Variants in DCAF1 observed in about 807,000 individuals in gnomAD.
The protein encoded by DCAF1 is DDB1- and CUL4-associated factor 1.
A neutral mutation model predicts 128.0 loss-of-function variants in DCAF1; 15 were observed. The observed-to-expected ratio is 0.12, with a 90% CI of 0.08 to 0.18. DCAF1 has a LOEUF of 0.18. DCAF1 is among the 10% of genes least tolerant of loss of function. The probability of loss-of-function intolerance (pLI) is 1.00; values close to 1 mark genes in which losing one functional copy is unlikely to be tolerated. For missense variants in DCAF1, 988 were observed against 1,649.5 expected (o/e 0.60, Z 6.95); for synonymous variants, 610 against 603.0 (o/e 1.01, Z -0.17).
chr3:51,440,856 A>G (rs1701294184), intron 9 of DCAF1, 114 bp downstream of exon 9: 1 of 807,726 alleles, frequency 1.2e-6, no homozygotes, highest in Non-Finnish European at 1.9e-6. Context: ...CAGTGAGCCA[A>G]GATCGCACCA....
intron 2 of DCAF1, among the ~76,000 whole-genome samples, chr3:51,491,334 G>C (rs575756472): frequency 6.8e-6 from 1 of 147,974 alleles, no homozygotes; most frequent in African/African-American, 2.5e-5. Flanking sequence ...GCAACAGAGC[G>C]AGACTATGTC....
chr3:51,488,195 A>G (rs1707200073), intron 2 of DCAF1, among the ~76,000 whole-genome samples: 3 of 152,042 alleles, frequency 2.0e-5, no homozygotes, highest in South Asian at 4.1e-4. Context: ...ATTAACACCA[A>G]TCCTTCTCAA....
chr3:51,403,114 G>T (rs112287139), intron 24 of DCAF1, 29 bp downstream of exon 24: 3 of 1,581,018 alleles, frequency 1.9e-6, no homozygotes. Flanking sequence ...GGGTGCCAAG[G>T]CTCAGCCTGA....
At chr3:51,467,204 C>G (rs1394686394) in intron 4 of DCAF1, among the ~76,000 whole-genome samples, 1 of 151,634 alleles carries the variant, frequency 6.6e-6, no homozygotes, top group Non-Finnish European at 1.5e-5. Flanking sequence ...CAGTGGCGGG[C>G]GCCTGTAATC....
At chr3:51,404,555 G>C (rs571156354) in intron 23 of DCAF1, among the ~76,000 whole-genome samples, 1 of 152,260 alleles carries the variant, frequency 6.6e-6, no homozygotes, top group South Asian at 2.1e-4. Flanking sequence ...CATTCAGCAG[G>C]GTAGCTCCGC....
intron 6 of DCAF1, among the ~76,000 whole-genome samples, chr3:51,446,993 T>TAATAATAATAATAATAATAATAAA (rs1457860366): frequency 5.5e-4 from 81 of 147,538 alleles, no homozygotes; most frequent in Non-Finnish European, 7.6e-4. Context: ...ATAATAATAA[T>TAATAATAATAATAATAATAATAAA]AATAATAAAA....
At chr3:51,495,519 T>C (rs1233246405) in intron 2 of DCAF1, among the ~76,000 whole-genome samples, 7 of 151,522 alleles carry the variant, frequency 4.6e-5, no homozygotes, top group Non-Finnish European at 1.0e-4. Context: ...TATAAACTTG[T>C]AACAGACTAA....
intron 2 of DCAF1, among the ~76,000 whole-genome samples, chr3:51,496,311 C>T (rs1708229931): frequency 6.6e-6 from 1 of 152,116 alleles, no homozygotes; most frequent in East Asian, 1.9e-4. Context: ...CCTGTAATCC[C>T]AGCTGCTCCG....
chr3:51,448,884 A>T lies in DCAF1; in HGVS notation c.376-4981T>A, dbSNP rs562802265. ...AACAGTAGATTACACAGTCTTCTCA[A>T]GTACACATAGAACTTTTTCCATGTT... On this transcript the variant is annotated intron_variant, in intron 6 of 24. Coordinates refer to ENST00000684031, the MANE Select transcript of DCAF1 (RefSeq NM_001387579.1). 1.6e-4 allele frequency among the ~76,000 whole-genome samples: 25 copies of T among 152,282 alleles called. No individual in the cohort carries two copies. The East Asian group carries it at 4.2e-3, about 26-fold the overall frequency.
intron 3 of DCAF1, among the ~76,000 whole-genome samples, chr3:51,473,758 A>G (rs1705076647): frequency 6.6e-6 from 1 of 150,854 alleles, no homozygotes; most frequent in Admixed American, 6.6e-5. Context: ...ACCCTGGCCT[A>G]CCAAAGTCCT....
In DCAF1 at chr3:51,452,106, G is replaced by T. The variant is rs548139254; in HGVS notation, c.376-8203C>A. On this transcript the variant is annotated intron_variant, in intron 6 of 24. Coordinates refer to ENST00000684031, the MANE Select transcript of DCAF1 (RefSeq NM_001387579.1). The stretch of plus-strand genomic sequence containing the variant: ...GCTCTGTCTCCCAGGCTGGAAAGCA[G>T]TGGCACAATCACAGTTCACTGCAGC... 2.0e-5 allele frequency among the ~76,000 whole-genome samples: 3 copies of T among 152,000 alleles called. 1 individual carries two copies. In the East Asian group the frequency reaches 5.8e-4, roughly 29 times the overall value.
chr3:51,479,028 G>A (rs1705833344), intron 3 of DCAF1, among the ~76,000 whole-genome samples: 1 of 152,100 alleles, frequency 6.6e-6, no homozygotes, highest in African/African-American at 2.4e-5. Context: ...AAGAGGAGAC[G>A]TTAAGGATCC....
At chr3:51,414,522 T>G in intron 19 of DCAF1, 102 bp downstream of exon 19, 1 of 1,473,268 alleles carries the variant, frequency 6.8e-7, no homozygotes. Flanking sequence ...TTATTACCAG[T>G]GTGGACACTT....
At chr3:51,399,766 G>A (rs1310703441) in intron 24 of DCAF1, among the ~76,000 whole-genome samples, 3 of 152,130 alleles carry the variant, frequency 2.0e-5, no homozygotes, top group Non-Finnish European at 2.9e-5. Flanking sequence ...TCGTAGCTCA[G>A]GAGGCTATGA....
At chr3:51,403,811 C>T (rs1459633026) in intron 23 of DCAF1, among the ~76,000 whole-genome samples, 1 of 152,214 alleles carries the variant, frequency 6.6e-6, no homozygotes, top group East Asian at 1.9e-4. Flanking sequence ...TGGAAGAACA[C>T]AACTGCTCAT....
chr3:51,451,459 CGT>C (rs1189822111), intron 6 of DCAF1, among the ~76,000 whole-genome samples: 1 of 150,948 alleles, frequency 6.6e-6, no homozygotes, highest in Non-Finnish European at 1.5e-5. Flanking sequence ...TCTATTTTTT[CGT>C]ATATATTTAA....
At chr3:51,451,762 C>CA (rs5848923) in intron 6 of DCAF1, among the ~76,000 whole-genome samples, 1,753 of 107,992 alleles carry the variant, frequency 0.016, 32 homozygotes, top group African/African-American at 0.037. Flanking sequence ...AACTCTGTCT[C>CA]AAAAAAAAAA....
At chr3:51,493,845 A>G (rs1431950176) in intron 2 of DCAF1, among the ~76,000 whole-genome samples, 2 of 151,834 alleles carry the variant, frequency 1.3e-5, no homozygotes, top group Non-Finnish European at 2.9e-5. Flanking sequence ...GAAAGTACAA[A>G]AATTAGCCGG....
chr3:51,415,171 C>T (rs1698768262), intron 18 of DCAF1, among the ~76,000 whole-genome samples: 1 of 152,178 alleles, frequency 6.6e-6, no homozygotes, highest in African/African-American at 2.4e-5. Context: ...CTCTAGTCCC[C>T]TTGATGATCT....
Sources: gnomAD v4.1 joint callset for allele counts (sites outside exome capture counted in the v4.1 genomes callset) on GRCh38, gnomAD v4.1.1 for gene constraint, MANE v1.5 for transcripts, NCBI Gene and HGNC (gene_info 2026-07-23, HGNC 2026-07-21) for gene names.